The following MTMR12 variants were observed in gnomAD, a reference collection of about 807,000 sequenced individuals.
The protein encoded by MTMR12 is myotubularin related protein 12.
MTMR12 carries 33 observed loss-of-function variants against 96.7 expected under a neutral mutation model. That is an observed-to-expected ratio of 0.34 (90% CI 0.26 to 0.46). The LOEUF is 0.46. Ranked by LOEUF, MTMR12 falls within the 20% of genes least tolerant of loss-of-function variation. The pLI, the probability that MTMR12 is intolerant of heterozygous loss-of-function variation, is 1.00. For synonymous variants in MTMR12, 298 were observed against 327.2 expected (o/e 0.91, Z 0.96); for missense variants, 721 against 896.1 (o/e 0.80, Z 2.49).
At chr5:32,289,039 C>T (rs1006496182) in intron 1 of MTMR12, among the ~76,000 whole-genome samples, 4 of 152,190 alleles carry the variant, frequency 2.6e-5, no homozygotes, top group African/African-American at 9.6e-5. Context: ...CACTCAACTA[C>T]AAAATTTAAA....
At chr5:32,306,534 A>C (rs1751373552) in intron 1 of MTMR12, among the ~76,000 whole-genome samples, 1 of 152,200 alleles carries the variant, frequency 6.6e-6, no homozygotes, top group East Asian at 1.9e-4. Flanking sequence ...GGATAAATGA[A>C]AAAATAAAAA....
chr5:32,309,387 G>C (rs1751491802), intron 1 of MTMR12, among the ~76,000 whole-genome samples: 1 of 152,120 alleles, frequency 6.6e-6, no homozygotes, highest in Non-Finnish European at 1.5e-5. Context: ...AAGTTAAAAA[G>C]CTTCCTCACA....
intron 10 of MTMR12, among the ~76,000 whole-genome samples, chr5:32,246,168 C>CGGTTTTTTTTTTTT (rs1316628263): frequency 6.9e-4 from 60 of 86,686 alleles, no homozygotes; most frequent in South Asian, 1.2e-3. Flanking sequence ...ATTGAGTAGA[C>CGGTTTTTTTTTTTT]AGTTTTTTTT....
chr5:32,228,568 T>TATCA lies in MTMR12; in HGVS notation c.*1209_*1210insTGAT, dbSNP rs1554053385. ...ATCATATATATGTGATATATATATA[T>TATCA]CATATATATATCATATATATGTGAT... is the stretch of plus-strand genomic sequence containing the variant. On this transcript the variant is annotated 3_prime_UTR_variant, in exon 16 of 16. Transcript: ENST00000382142. 8.1e-6 allele frequency: 1 copy of TATCA among 124,158 alleles called. No homozygotes were observed. 7.7% of individuals were successfully genotyped at this position (124,158 alleles called of 1,614,324 possible).
chr5:32,244,513 C>T (rs1390333916), intron 10 of MTMR12, among the ~76,000 whole-genome samples: 2 of 152,122 alleles, frequency 1.3e-5, no homozygotes, highest in African/African-American at 4.8e-5. Context: ...ATTGCTTGAA[C>T]CAGGGTGGCG....
At chr5:32,256,792 T>A (rs929291884) in intron 7 of MTMR12, among the ~76,000 whole-genome samples, 13 of 152,278 alleles carry the variant, frequency 8.5e-5, no homozygotes, top group African/African-American at 3.1e-4. Context: ...GGGCAACAAA[T>A]AAATATCACC....
Position 32,228,894 on chromosome 5 carries a change from C to G in MTMR12, c.*884G>C, listed in dbSNP as rs1747877159. 1 of 151,874 alleles carries G rather than the reference C, an allele frequency of 6.6e-6. No individual in the cohort carries two copies. Among genetic ancestry groups the G allele is most frequent in the Non-Finnish European group, 1.5e-5 (1 of 67,994 alleles). 9.4% of individuals were successfully genotyped at this position (151,874 alleles called of 1,614,324 possible). ...AATCACAAGTGCTCCAAAGCTTCAG[C>G]AGGCAAGTAGAAAAAGGCGAAGCGA... On this transcript the variant is annotated 3_prime_UTR_variant, in exon 16 of 16. Transcript: ENST00000382142.
At chr5:32,282,038 T>C (rs747169940) in intron 1 of MTMR12, among the ~76,000 whole-genome samples, 1 of 152,068 alleles carries the variant, frequency 6.6e-6, no homozygotes, top group Non-Finnish European at 1.5e-5. Flanking sequence ...AATAGAAACC[T>C]ATATAACCAC....
intron 3 of MTMR12, among the ~76,000 whole-genome samples, chr5:32,273,446 G>A (rs1446513778): frequency 6.6e-6 from 1 of 152,066 alleles, no homozygotes; most frequent in Non-Finnish European, 1.5e-5. Flanking sequence ...ATTCACCATC[G>A]GTTTCATTAC....
At chr5:32,241,996 C>G in intron 12 of MTMR12, 61 bp downstream of exon 12, 1 of 1,413,348 alleles carries the variant, frequency 7.1e-7, no homozygotes, top group Non-Finnish European at 9.9e-7. Flanking sequence ...GCTACATATA[C>G]AAAAATTGAA....
At chr5:32,232,127 C>T (rs115764029) in intron 15 of MTMR12, among the ~76,000 whole-genome samples, 2,348 of 152,274 alleles carry the variant, frequency 0.015, 32 homozygotes, top group Non-Finnish European at 0.024. Flanking sequence ...AAGCCTGGCC[C>T]GGGCCTGCGG....
At chr5:32,248,446 TG>T (rs139361674) in intron 9 of MTMR12, among the ~76,000 whole-genome samples, 51 of 111,870 alleles carry the variant, frequency 4.6e-4, no homozygotes, top group Non-Finnish European at 7.4e-4. Context: ...TGCTTTGTTT[TG>T]TTTAATTTGA....
intron 2 of MTMR12, among the ~76,000 whole-genome samples, chr5:32,274,379 G>A (rs56270170): frequency 0.33 from 50,163 of 151,752 alleles, 8,629 homozygotes; most frequent in East Asian, 0.49. Flanking sequence ...TCTTCTCACT[G>A]GGAATAATGG....
At chr5:32,269,185 C>G (rs1429682230) in intron 5 of MTMR12, among the ~76,000 whole-genome samples, 1 of 151,970 alleles carries the variant, frequency 6.6e-6, no homozygotes, top group Non-Finnish European at 1.5e-5. Context: ...CATCATCACG[C>G]CTGACTAATC....
intron 6 of MTMR12, 54 bp downstream of exon 6, chr5:32,268,647 T>G: frequency 6.8e-7 from 1 of 1,460,984 alleles, no homozygotes; most frequent in South Asian, 1.1e-5. Context: ...TGGCTTCAGG[T>G]GGGAATTGGA....
rs1747772098 is a variant in MTMR12, at chr5:32,227,272, A to G, written c.*2506T>C. 1 of 152,700 alleles carries G rather than the reference A, an allele frequency of 6.5e-6. No homozygotes were observed. Among genetic ancestry groups the G allele is most frequent in the South Asian group, 2.1e-4 (1 of 4,838 alleles). The allele number at this position is 152,700 out of a possible 1,614,324, so 9.5% of individuals were successfully genotyped here. ...ACTTGCACAGTACAGCATTTTAAAC[A>G]AAGTAAATGGTCTCATTTCAGCTCT... On this transcript the variant is annotated 3_prime_UTR_variant, in exon 16 of 16. Coordinates refer to ENST00000382142, the MANE Select transcript of MTMR12 (RefSeq NM_001040446.3).
chr5:32,312,749 C>T lies in MTMR12; in HGVS notation c.81+9G>A. On this transcript the variant is annotated intron_variant, in intron 1 of 15. Coordinates refer to ENST00000382142, the MANE Select transcript of MTMR12 (RefSeq NM_001040446.3). The surrounding 1 kb of genome is among the most constrained non-coding windows in gnomAD (Gnocchi z 5.0). The stretch of plus-strand genomic sequence containing the variant: ...TGCCCGACGCCCCGCCTGCGCGGCG[C>T]CCCCTCACCTCAGGGCGTACGTACG... 1 of 1,506,882 alleles carries T rather than the reference C, an allele frequency of 6.6e-7. No individual in the cohort carries two copies. The highest frequency in any genetic ancestry group is 8.9e-7 in the Non-Finnish European group (1 of 1,129,582). The allele number at this position is 1,506,882 out of a possible 1,614,324, so 93.3% of individuals were successfully genotyped here.
chr5:32,271,743 A>G (rs139038071), intron 4 of MTMR12, 90 bp downstream of exon 4: 1 of 796,862 alleles, frequency 1.3e-6, no homozygotes, highest in East Asian at 3.2e-5. Flanking sequence ...AAAAATTTTT[A>G]AAAATTATAA....
intron 1 of MTMR12, among the ~76,000 whole-genome samples, chr5:32,300,945 T>C (rs1751116283): frequency 6.6e-6 from 1 of 152,056 alleles, no homozygotes; most frequent in African/African-American, 2.4e-5. Context: ...TGTGGTGGCA[T>C]GCGCCTGTAG....
Sources: gnomAD v4.1 joint callset for allele counts (sites outside exome capture counted in the v4.1 genomes callset) on GRCh38, gnomAD v4.1.1 for gene constraint, Gnocchi (gnomAD v3.1) non-coding constraint, MANE v1.5 for transcripts, NCBI Gene and HGNC (gene_info 2026-07-23, HGNC 2026-07-21) for gene names.